Variants in BCAS3 observed in about 807,000 individuals in gnomAD.
BCAS3 encodes BCAS3 microtubule associated cell migration factor, also known as BCAS4/BCAS3 fusion.
Under a neutral mutation model 116.1 loss-of-function variants are expected in BCAS3, and 53 were observed. The ratio of observed to expected loss-of-function variants is 0.46; its 90% CI spans 0.37 to 0.57. The LOEUF (loss-of-function observed/expected upper bound fraction) is 0.57, where lower values mean the gene tolerates loss of function less well. BCAS3 is among the 20% of genes least tolerant of loss of function. The probability of loss-of-function intolerance (pLI) is 0.00; values close to 1 mark genes in which losing one functional copy is unlikely to be tolerated. For synonymous variants in BCAS3, 391 were observed against 408.2 expected (o/e 0.96, Z 0.51); for missense variants, 917 against 1,165.4 (o/e 0.79, Z 3.10).
intron 22 of BCAS3, among the ~76,000 whole-genome samples, chr17:61,155,147 G>A (rs1371029315): frequency 6.6e-6 from 1 of 152,096 alleles, no homozygotes; most frequent in Admixed American, 6.5e-5. Flanking sequence ...AAAAGTGTAC[G>A]AAGCTTACAT....
intron 22 of BCAS3, among the ~76,000 whole-genome samples, chr17:61,212,156 A>G (rs2081497704): frequency 6.6e-6 from 1 of 152,244 alleles, no homozygotes; most frequent in African/African-American, 2.4e-5. Context: ...CTCCTTAAGG[A>G]TTATACAAAA....
chr17:61,139,858 A>G lies in BCAS3; in HGVS notation c.2425+55294A>G, dbSNP rs993996056. On this transcript the variant is annotated intron_variant, in intron 22 of 23. Transcript: ENST00000407086. The surrounding 1 kb of genome is among the most constrained non-coding windows in gnomAD (Gnocchi z 4.7). ...GGTGATCAGAGAAAGTTTTATGGAA[A>G]AAATGCCGTTTGAGCTAGAATTTGA... 1.3e-5 allele frequency among the ~76,000 whole-genome samples: 2 copies of G among 152,176 alleles called. No individual in the cohort carries two copies. Among genetic ancestry groups the G allele is most frequent in the Non-Finnish European group, 2.9e-5 (2 of 68,032 alleles).
intron 22 of BCAS3, among the ~76,000 whole-genome samples, chr17:61,266,281 A>G (rs568572153): frequency 1.3e-5 from 2 of 152,320 alleles, no homozygotes; most frequent in East Asian, 3.9e-4. Flanking sequence ...AGACTGTGCA[A>G]TAGGTAAAGG....
intron 4 of BCAS3, among the ~76,000 whole-genome samples, chr17:60,693,161 C>T (rs2035095036): frequency 6.6e-6 from 1 of 151,890 alleles, no homozygotes; most frequent in Non-Finnish European, 1.5e-5. Context: ...CAGGCATGAG[C>T]CACTGACTTG....
intron 3 of BCAS3, among the ~76,000 whole-genome samples, chr17:60,685,638 TATAAAGCATAAA>T (rs2033919536): frequency 6.6e-6 from 1 of 152,110 alleles, no homozygotes; most frequent in African/African-American, 2.4e-5. Context: ...GTGTCATGTA[TATAAAGCATAAA>T]ATAAAGCAAA....
At position 61,367,422 on chromosome 17, in the gene BCAS3, T is replaced by C. The variant is rs1568951632; in HGVS notation, c.2426-905T>C. On this transcript the variant is annotated intron_variant, in intron 22 of 23. Coordinates refer to ENST00000407086, the MANE Select transcript of BCAS3 (RefSeq NM_017679.5). The surrounding 1 kb of genome is among the most constrained non-coding windows in gnomAD (Gnocchi z 6.2). ...GTTCGGACTTTGAAGTGATCTCACATGTAAGATCTAATCTTAGCGTTCAGC... is the reference window on the plus strand; with the variant it reads ...GTTCGGACTTTGAAGTGATCTCACACGTAAGATCTAATCTTAGCGTTCAGC... 1 of 152,618 alleles carries C rather than the reference T, an allele frequency of 6.6e-6. No individual in the cohort carries two copies. Among genetic ancestry groups the C allele is most frequent in the Non-Finnish European group, 1.5e-5 (1 of 68,042 alleles). The allele number at this position is 152,618 out of a possible 1,614,324, so 9.5% of individuals were successfully genotyped here.
chr17:61,137,091 G>T (rs1358332442), intron 22 of BCAS3, among the ~76,000 whole-genome samples: 3 of 152,036 alleles, frequency 2.0e-5, no homozygotes, highest in Non-Finnish European at 2.9e-5. Context: ...TTCCTCAGTG[G>T]CCACCAGTGC....
Position 61,145,017 on chromosome 17 carries a change from C to A in BCAS3, c.2425+60453C>A, listed in dbSNP as rs1298596963. Among the ~76,000 whole-genome samples, 1 of 152,182 alleles carries A rather than the reference C, an allele frequency of 6.6e-6. No homozygotes were observed. The highest frequency in any genetic ancestry group is 1.9e-4 in the East Asian group (1 of 5,202). On this transcript the variant is annotated intron_variant, in intron 22 of 23. Transcript: ENST00000407086. The surrounding 1 kb of genome is among the most constrained non-coding windows in gnomAD (Gnocchi z 5.0). Reference sequence around the variant, plus strand: ...TCAGAAATATTCATTTAGACCATAACAACTGTTAGAACAAGATAACAACTC... The same window carrying A: ...TCAGAAATATTCATTTAGACCATAAAAACTGTTAGAACAAGATAACAACTC...
chr17:61,174,271 T>G (rs946050223), intron 22 of BCAS3, among the ~76,000 whole-genome samples: 1 of 152,224 alleles, frequency 6.6e-6, no homozygotes, highest in African/African-American at 2.4e-5. Context: ...AGAGACTTAC[T>G]CCTCCTTACT....
At chr17:60,875,486 G>T (rs150326251) in intron 9 of BCAS3, among the ~76,000 whole-genome samples, 8 of 151,964 alleles carry the variant, frequency 5.3e-5, no homozygotes, top group African/African-American at 1.9e-4. Flanking sequence ...TAGCAGTTTC[G>T]TATTACCAAT....
In BCAS3 at chr17:61,355,924, C is replaced by T. The variant is rs1057270764; in HGVS notation, c.2426-12403C>T. 4.6e-5 allele frequency among the ~76,000 whole-genome samples: 7 copies of T among 152,210 alleles called. No homozygotes were observed. The highest frequency in any genetic ancestry group is 3.9e-4 in the Admixed American group (6 of 15,278). ...CTGAGCCCTGCCATAGGAATCCTAT[C>T]ACAGCTCTATGTGTATGTTTTCTAT... On this transcript the variant is annotated intron_variant, in intron 22 of 23. Coordinates refer to ENST00000407086, the MANE Select transcript of BCAS3 (RefSeq NM_017679.5). This position sits in a 1 kb window ranked among gnomAD's most constrained non-coding sequence, Gnocchi z 4.2.
chr17:61,365,370 G>T lies in BCAS3; in HGVS notation c.2426-2957G>T, dbSNP rs762585285. The stretch of plus-strand genomic sequence containing the variant: ...AGTGATTGACTGAGAGTCTCACTCT[G>T]TCACCCAGGCTGGAGTGCAGTGGCT... On this transcript the variant is annotated intron_variant, in intron 22 of 23. Transcript: ENST00000407086. This position sits in a 1 kb window ranked among gnomAD's most constrained non-coding sequence, Gnocchi z 4.6. 4.6e-5 allele frequency among the ~76,000 whole-genome samples: 7 copies of T among 152,140 alleles called. No individual in the cohort carries two copies. Among genetic ancestry groups the T allele is most frequent in the Non-Finnish European group, 1.0e-4 (7 of 68,024 alleles).
chr17:61,121,678 C>G (rs2075795744), intron 22 of BCAS3, among the ~76,000 whole-genome samples: 1 of 152,152 alleles, frequency 6.6e-6, no homozygotes, highest in Admixed American at 6.5e-5. Flanking sequence ...TAAAGTTTTT[C>G]CAAAGTTTTC....
At chr17:60,719,559 A>G (rs1334765626) in intron 5 of BCAS3, among the ~76,000 whole-genome samples, 1 of 152,236 alleles carries the variant, frequency 6.6e-6, no homozygotes, top group East Asian at 1.9e-4. Context: ...TTTTAGCATT[A>G]TACATTCTTT....
intron 13 of BCAS3, among the ~76,000 whole-genome samples, 162 bp from the exon 14 acceptor site, chr17:60,947,057 A>T (rs532461611): frequency 6.6e-6 from 1 of 152,358 alleles, no homozygotes; most frequent in East Asian, 1.9e-4. Flanking sequence ...CTTGGTATTC[A>T]CATGAAAAAG....
chr17:60,709,571 G>T (rs2037602437), intron 5 of BCAS3: 2 of 335,510 alleles, frequency 6.0e-6, no homozygotes, highest in Non-Finnish European at 5.6e-6. Flanking sequence ...TGTACTTTTA[G>T]TAGAGATGGG....
intron 22 of BCAS3, among the ~76,000 whole-genome samples, chr17:61,193,866 C>T (rs139386877): frequency 0.026 from 3,977 of 151,792 alleles, 64 homozygotes; most frequent in Non-Finnish European, 0.036. Flanking sequence ...CCTGTAATCC[C>T]AGCACTTTGG....
rs2064863777 is a variant in BCAS3, at chr17:61,008,340, C to T, written c.1487-7411C>T. 6.6e-6 allele frequency among the ~76,000 whole-genome samples: 1 copy of T among 152,018 alleles called. No individual in the cohort carries two copies. The highest frequency in any genetic ancestry group is 1.5e-5 in the Non-Finnish European group (1 of 67,968). On this transcript the variant is annotated intron_variant, in intron 15 of 23. Transcript: ENST00000407086. The surrounding 1 kb of genome is among the most constrained non-coding windows in gnomAD (Gnocchi z 4.6). ...GAGATGGAGAGAGAGACACACACTC[C>T]CATCCCAACCAAAAATAACCCACCT...
chr17:60,863,896 C>CT (rs934540388), intron 7 of BCAS3, among the ~76,000 whole-genome samples: 6 of 152,160 alleles, frequency 3.9e-5, no homozygotes, highest in Non-Finnish European at 7.3e-5. Flanking sequence ...GAATCATAAT[C>CT]TTTTTGCTGA....
Sources: allele counts gnomAD v4.1 joint callset (sites outside exome capture counted in the v4.1 genomes callset), GRCh38; gene constraint gnomAD v4.1.1; non-coding constraint Gnocchi (gnomAD v3.1); transcripts MANE v1.5; gene names NCBI Gene and HGNC (gene_info 2026-07-23, HGNC 2026-07-21).